Variants in TRPM3 observed in about 807,000 individuals in gnomAD.
The protein encoded by TRPM3 is transient receptor potential cation channel subfamily M member 3, also known as long transient receptor potential channel 3.
A neutral mutation model predicts 181.2 loss-of-function variants in TRPM3; 77 were observed. The observed-to-expected ratio is 0.42, with a 90% CI of 0.35 to 0.51. The LOEUF is 0.51. Ranked by LOEUF, TRPM3 falls within the 20% of genes least tolerant of loss-of-function variation. The pLI is 0.01. For missense variants in TRPM3, 1,759 were observed against 2,196.7 expected (o/e 0.80, Z 3.98); for synonymous variants, 745 against 796.4 (o/e 0.94, Z 1.09).
intron 6 of TRPM3, chr9:70,824,983 G>C (rs920501586): frequency 2.2e-4 from 33 of 152,170 alleles, no homozygotes; most frequent in African/African-American, 7.7e-4. Flanking sequence ...ACTTCAAAGA[G>C]CCTGGGTCAC....
chr9:70,664,899 C>A (rs1358316037), intron 9 of TRPM3, among the ~76,000 whole-genome samples: 1 of 152,114 alleles, frequency 6.6e-6, no homozygotes. Flanking sequence ...ATCCACCCCC[C>A]TCAGCCTCCC....
intron 1 of TRPM3, among the ~76,000 whole-genome samples, chr9:70,993,467 T>A (rs926703401): frequency 6.6e-6 from 1 of 152,104 alleles, no homozygotes; most frequent in Admixed American, 6.5e-5. Context: ...CGCTTTAGCA[T>A]TGGATGATCC....
chr9:71,050,130 C>G (rs2059906701), intron 1 of TRPM3, among the ~76,000 whole-genome samples: 1 of 152,142 alleles, frequency 6.6e-6, no homozygotes, highest in Non-Finnish European at 1.5e-5. Flanking sequence ...CTATGAAGTG[C>G]TCCCCTCAGT....
At chr9:71,236,852 G>A (rs1481518059) in intron 1 of TRPM3, among the ~76,000 whole-genome samples, 4 of 152,114 alleles carry the variant, frequency 2.6e-5, no homozygotes, top group Non-Finnish European at 5.9e-5. Flanking sequence ...TTCGAGGCTA[G>A]CCTGGCCAAC....
chr9:70,803,079 A>G (rs1233686098), intron 6 of TRPM3, among the ~76,000 whole-genome samples: 2 of 147,578 alleles, frequency 1.4e-5, no homozygotes, highest in East Asian at 2.1e-4. Flanking sequence ...AACTCCACCA[A>G]TTTTCTGAAG....
intron 7 of TRPM3, among the ~76,000 whole-genome samples, chr9:70,781,290 A>G (rs2082377839): frequency 7.0e-6 from 1 of 143,460 alleles, no homozygotes; most frequent in Non-Finnish European, 1.5e-5. Context: ...GCATCACTGC[A>G]CTCCAGCCTG....
At chr9:71,018,225 C>CAAA (rs150406662) in intron 1 of TRPM3, among the ~76,000 whole-genome samples, 30 of 147,952 alleles carry the variant, frequency 2.0e-4, no homozygotes, top group Middle Eastern at 3.4e-3. Context: ...ATTAGAAAAG[C>CAAA]AAAAAAAATG....
intron 18 of TRPM3, among the ~76,000 whole-genome samples, chr9:70,612,686 T>C (rs543790970): frequency 2.6e-5 from 4 of 152,332 alleles, no homozygotes; most frequent in South Asian, 4.1e-4. Flanking sequence ...ATTTTCATCA[T>C]TGAGTGGAGT....
intron 1 of TRPM3, among the ~76,000 whole-genome samples, chr9:71,335,840 T>A (rs1182188162): frequency 6.6e-6 from 1 of 152,282 alleles, no homozygotes; most frequent in African/African-American, 2.4e-5. Flanking sequence ...TTAACCCTTT[T>A]ACAAGTGGGG....
In TRPM3 at chr9:70,936,802, T is replaced by C. The variant is rs1446397311; in HGVS notation, c.178-72291A>G. Among the ~76,000 whole-genome samples, 6 of 152,306 alleles carry C rather than the reference T, an allele frequency of 3.9e-5. No homozygotes were observed. The South Asian group carries it at 6.2e-4, about 16-fold the overall frequency. Reference sequence around the variant, plus strand: ...GTAAAGTGAAATAAGATCAAATTCATTTGAACACAGCTTAGTTGATTCCAG... The same window carrying C: ...GTAAAGTGAAATAAGATCAAATTCACTTGAACACAGCTTAGTTGATTCCAG... On this transcript the variant is annotated intron_variant, in intron 1 of 25. Transcript: ENST00000677713.
intron 2 of TRPM3, among the ~76,000 whole-genome samples, chr9:70,864,023 A>G (rs996684168): frequency 3.3e-5 from 5 of 152,078 alleles, no homozygotes; most frequent in African/African-American, 1.2e-4. Context: ...CTTAAATGGG[A>G]ATCTGAAGGT....
chr9:71,441,882 C>T (rs942702012), intron 1 of TRPM3, among the ~76,000 whole-genome samples: 2 of 152,138 alleles, frequency 1.3e-5, no homozygotes, highest in African/African-American at 2.4e-5. Flanking sequence ...CCACCCGCCT[C>T]GGCCTCCCAA....
At chr9:70,880,001 G>A (rs1439568248) in intron 1 of TRPM3, among the ~76,000 whole-genome samples, 1 of 152,068 alleles carries the variant, frequency 6.6e-6, no homozygotes, top group Non-Finnish European at 1.5e-5. Flanking sequence ...CAGATTACAT[G>A]CTGGAAAACA....
chr9:70,824,255 T>A (rs573776069), intron 6 of TRPM3, among the ~76,000 whole-genome samples: 98 of 152,234 alleles, frequency 6.4e-4, no homozygotes, highest in African/African-American at 2.2e-3. Context: ...CCTGGGGCCA[T>A]CCTGAGTGTA....
intron 9 of TRPM3, among the ~76,000 whole-genome samples, chr9:70,662,138 T>A (rs1172298953): frequency 6.6e-6 from 1 of 152,060 alleles, no homozygotes; most frequent in Non-Finnish European, 1.5e-5. Context: ...AGCCAACTGA[T>A]CTTTGACAAG....
chr9:70,854,511 A>C (rs1217079913), intron 3 of TRPM3, among the ~76,000 whole-genome samples: 1 of 152,194 alleles, frequency 6.6e-6, no homozygotes, highest in African/African-American at 2.4e-5. Context: ...AACAGGTCCA[A>C]GTAACTTGCC....
intron 7 of TRPM3, 56 bp downstream of exon 7, chr9:70,784,049 C>A: frequency 1.9e-6 from 3 of 1,565,714 alleles, no homozygotes; most frequent in East Asian, 4.5e-5. Context: ...TCCACTCATA[C>A]CCTCGTTTCC....
chr9:70,597,558 T>C (rs1239999978), intron 21 of TRPM3, among the ~76,000 whole-genome samples: 1 of 152,174 alleles, frequency 6.6e-6, no homozygotes, highest in African/African-American at 2.4e-5. Context: ...GGAGCTTGTT[T>C]ACTGATGCAT....
chr9:70,674,079 A>G (rs756374518), intron 9 of TRPM3, among the ~76,000 whole-genome samples: 6 of 152,224 alleles, frequency 3.9e-5, no homozygotes, highest in Non-Finnish European at 8.8e-5. Flanking sequence ...AACATTAAAA[A>G]GAAAGCAATC....
Sources: allele counts gnomAD v4.1 joint callset (sites outside exome capture counted in the v4.1 genomes callset), GRCh38; gene constraint gnomAD v4.1.1; transcripts MANE v1.5; gene names NCBI Gene and HGNC (gene_info 2026-07-23, HGNC 2026-07-21).